The following TNNI3K variants were observed in gnomAD, a reference collection of about 807,000 sequenced individuals.
TNNI3K encodes TNNI3 interacting kinase.
TNNI3K carries 140 observed loss-of-function variants against 114.5 expected under a neutral mutation model. The observed-to-expected ratio is 1.22, with a 90% CI of 1.07 to 1.41. The LOEUF is 1.41. Ranked by LOEUF, TNNI3K falls within the 40% of genes most tolerant of loss-of-function variation. The pLI is 0.00. For missense variants in TNNI3K, 1,125 were observed against 1,007.6 expected, an observed-to-expected ratio of 1.12 and a Z score of -1.58; for synonymous variants, 347 against 347.5, an observed-to-expected ratio of 1.00 and a Z score of 0.02.
chr1:74,339,170 C>T (rs1254727138), intron 7 of TNNI3K, among the ~76,000 whole-genome samples: 1 of 152,110 alleles, frequency 6.6e-6, no homozygotes, highest in Non-Finnish European at 1.5e-5. Flanking sequence ...TGTAATACTA[C>T]AACCATATTC....
intron 9 of TNNI3K, among the ~76,000 whole-genome samples, chr1:74,352,014 G>A (rs1661377055): frequency 5.3e-5 from 8 of 152,178 alleles, no homozygotes; most frequent in Admixed American, 4.6e-4. Flanking sequence ...CTGGTGAGGA[G>A]CTGTGTTCCT....
chr1:74,269,889 T>G (rs760902965), intron 4 of TNNI3K, among the ~76,000 whole-genome samples: 19 of 151,840 alleles, frequency 1.3e-4, no homozygotes, highest in Middle Eastern at 3.4e-3. Context: ...CATACACTTT[T>G]AGAAGACAGT....
chr1:74,279,837 G>A (rs796542114), intron 5 of TNNI3K, among the ~76,000 whole-genome samples: 4 of 152,190 alleles, frequency 2.6e-5, no homozygotes, highest in African/African-American at 9.6e-5. Context: ...TTTCATAGTA[G>A]TAGTATTAAA....
rs149715196 is a variant in TNNI3K, at chr1:74,349,974, A to G, written c.933-3292A>G. 1.5e-3 allele frequency among the ~76,000 whole-genome samples: 228 copies of G among 152,212 alleles called. 6 individuals carry two copies. In the East Asian group the frequency reaches 0.038, roughly 26 times the overall value. On this transcript the variant is annotated intron_variant, in intron 9 of 24. Coordinates refer to ENST00000326637, the MANE Select transcript of TNNI3K (RefSeq NM_015978.3). ...GGTTTTTTGTGTCTCCATTTCCTGC[A>G]GTTCTGCTCTGATCTTAGTTATTTC...
intron 5 of TNNI3K, among the ~76,000 whole-genome samples, chr1:74,328,202 A>G (rs1473078525): frequency 6.6e-6 from 1 of 152,142 alleles, no homozygotes; most frequent in Non-Finnish European, 1.5e-5. Context: ...CAATTTAACA[A>G]TTATTGGATG....
chr1:74,463,234 A>C (rs1667524436), intron 20 of TNNI3K, among the ~76,000 whole-genome samples: 1 of 152,234 alleles, frequency 6.6e-6, no homozygotes, highest in Non-Finnish European at 1.5e-5. Flanking sequence ...TTGAGTCTGA[A>C]ACCAAATGAA....
intron 5 of TNNI3K, among the ~76,000 whole-genome samples, chr1:74,303,693 A>T (rs749341304): frequency 6.6e-6 from 1 of 152,220 alleles, no homozygotes; most frequent in East Asian, 1.9e-4. Flanking sequence ...TTTAAGAAAT[A>T]CATTTTGTAA....
chr1:74,458,941 A>G (rs1001173057), intron 20 of TNNI3K, among the ~76,000 whole-genome samples: 9 of 152,060 alleles, frequency 5.9e-5, no homozygotes, highest in South Asian at 2.1e-4. Context: ...TGCAGTGTCT[A>G]TTGTTCTCAT....
intron 5 of TNNI3K, among the ~76,000 whole-genome samples, chr1:74,290,815 C>T (rs1000580139): frequency 1.3e-5 from 2 of 151,674 alleles, no homozygotes; most frequent in African/African-American, 4.8e-5. Flanking sequence ...CTTATTTCTG[C>T]CCAAAGACAA....
intron 5 of TNNI3K, among the ~76,000 whole-genome samples, chr1:74,325,541 A>C (rs1174825039): frequency 1.3e-5 from 2 of 152,164 alleles, no homozygotes; most frequent in African/African-American, 4.8e-5. Flanking sequence ...AATCCTGAGA[A>C]AACGTAAAAT....
chr1:74,363,186 T>C (rs988730638), intron 11 of TNNI3K, among the ~76,000 whole-genome samples: 1 of 152,076 alleles, frequency 6.6e-6, no homozygotes, highest in Non-Finnish European at 1.5e-5. Context: ...TTTTTCTGCC[T>C]AACTCCTTGT....
intron 21 of TNNI3K, chr1:74,475,821 TAG>T: frequency 1.7e-6 from 1 of 576,000 alleles, no homozygotes; most frequent in Non-Finnish European, 3.2e-6. Flanking sequence ...CTATGACAAA[TAG>T]AGAGACCATT....
chr1:74,331,767 A>G (rs1201420663), intron 6 of TNNI3K, among the ~76,000 whole-genome samples: 1 of 152,202 alleles, frequency 6.6e-6, no homozygotes, highest in Non-Finnish European at 1.5e-5. Context: ...AAGAGGCAGA[A>G]AAGTACATTG....
At chr1:74,263,261 A>G (rs1655783011) in intron 4 of TNNI3K, among the ~76,000 whole-genome samples, 1 of 152,006 alleles carries the variant, frequency 6.6e-6, no homozygotes, top group African/African-American at 2.4e-5. Context: ...CTGGCCATTA[A>G]TGCAGATTTT....
intron 17 of TNNI3K, among the ~76,000 whole-genome samples, chr1:74,428,750 C>A (rs555393450): frequency 2.0e-5 from 3 of 151,960 alleles, no homozygotes; most frequent in Non-Finnish European, 4.4e-5. Context: ...GCCTGGGTAA[C>A]GTATTGAGAT....
chr1:74,280,657 C>G (rs533446184), intron 5 of TNNI3K, among the ~76,000 whole-genome samples: 1 of 152,314 alleles, frequency 6.6e-6, no homozygotes, highest in African/African-American at 2.4e-5. Context: ...CAGAAGGTAA[C>G]CCTCCACTGC....
chr1:74,249,805 T>A (rs1425613065), intron 3 of TNNI3K, among the ~76,000 whole-genome samples: 1 of 152,140 alleles, frequency 6.6e-6, no homozygotes, highest in Non-Finnish European at 1.5e-5. Flanking sequence ...AAAAGCACTT[T>A]TCAATATTGG....
intron 17 of TNNI3K, chr1:74,401,936 C>A: frequency 2.3e-6 from 1 of 444,416 alleles, no homozygotes; most frequent in South Asian, 1.6e-5. Flanking sequence ...CAGGTGTATG[C>A]TTACTTCTGC....
chr1:74,339,758 G>T (rs944279068), intron 7 of TNNI3K, among the ~76,000 whole-genome samples: 1 of 151,596 alleles, frequency 6.6e-6, no homozygotes, highest in Non-Finnish European at 1.5e-5. Context: ...GAAATATAAT[G>T]CCCCCTAAAT....
Sources: allele counts gnomAD v4.1 joint callset (sites outside exome capture counted in the v4.1 genomes callset), GRCh38; gene constraint gnomAD v4.1.1; transcripts MANE v1.5; gene names NCBI Gene and HGNC (gene_info 2026-07-23, HGNC 2026-07-21).